The following CARD14 variants were observed in gnomAD, a reference collection of about 807,000 sequenced individuals.
CARD14 encodes caspase recruitment domain family member 14.
Under a neutral mutation model 111.5 loss-of-function variants are expected in CARD14, and 107 were observed. That is an observed-to-expected ratio of 0.96 (90% CI 0.82 to 1.13). The LOEUF is 1.13. Ranked by LOEUF, CARD14 falls within the 50% of genes most tolerant of loss-of-function variation. The pLI is 0.00. For missense variants in CARD14, 1,322 were observed against 1,362.3 expected (o/e 0.97, Z 0.47); for synonymous variants, 617 against 579.6 (o/e 1.06, Z -0.93).
intron 16 of CARD14, chr17:80,200,757 G>A (rs1222434487): frequency 6.3e-6 from 1 of 158,128 alleles, no homozygotes; most frequent in African/African-American, 2.4e-5. Context: ...CAGAATCAGT[G>A]GGAGCCCTGA....
intron 11 of CARD14, 51 bp downstream of exon 11, chr17:80,191,523 A>T: frequency 1.3e-6 from 2 of 1,590,694 alleles, no homozygotes; most frequent in Non-Finnish European, 1.7e-6. Flanking sequence ...GGCTGCGGTG[A>T]CAGTGGGACA....
Position 80,181,520 on chromosome 17 carries a change from C to T in CARD14, c.82C>T (p.His28Tyr). The T allele has an allele frequency of 6.3e-7, 1 of 1,590,022 alleles. No homozygotes were observed. The highest frequency in any genetic ancestry group is 8.6e-7 in the Non-Finnish European group (1 of 1,168,534). The part of the protein sequence containing the change: ...TLWEMMESHR[H>Y]RIVRCICPSR... ...GTGGGAGATGATGGAGAGCCACCGC[C>T]ACAGGATCGTACGCTGCATCTGCCC... Residue 28 changes from histidine to tyrosine, a missense_variant, in exon 5 of 24, where the codon CAC becomes TAC. His to Tyr is a moderately conservative substitution (Grantham distance 83, BLOSUM62 2). Coordinates refer to ENST00000648509, the MANE Select transcript of CARD14 (RefSeq NM_001366385.1).
rs1233557093 is a variant in CARD14 at position 80,181,600 on chromosome 17, G to A, written c.162G>A (p.Glu54=). Reference sequence around the variant, plus strand: ...CCAAGGTGCTGTGCCAGCTGGACGAGGAGGAGGTGCTGCACAGCCCCCGGC... The same window carrying A: ...CCAAGGTGCTGTGCCAGCTGGACGAAGAGGAGGTGCTGCACAGCCCCCGGC... ...RQAKVLCQLD[E]EEVLHSPRLT... is the part of the protein sequence containing the mutation. The change falls in exon 5 of 24, where the codon GAG becomes GAA. Residue 54 remains glutamate, a synonymous_variant. Transcript: ENST00000648509. 3 of 1,558,834 alleles carry A rather than the reference G, an allele frequency of 1.9e-6. No homozygotes were observed. Among genetic ancestry groups the A allele is most frequent in the Non-Finnish European group, 8.7e-7 (1 of 1,151,648 alleles).
intron 6 of CARD14, among the ~76,000 whole-genome samples, chr17:80,183,195 AG>A (rs1685627732): frequency 1.3e-5 from 2 of 152,200 alleles, no homozygotes; most frequent in Non-Finnish European, 1.5e-5. Context: ...CCCCGGCCAG[AG>A]GGTACAGGGC....
rs1455314909 is a variant in CARD14 at position 80,182,947 on chromosome 17, C to A, written c.349+157C>A. ...CCCCAGCACTCTGAGGGTGAGGAAC[C>A]CCCTCACTGTATTGGGGTTGGATAG... On this transcript the variant is annotated intron_variant, in intron 6 of 23. Coordinates refer to ENST00000648509, the MANE Select transcript of CARD14 (RefSeq NM_001366385.1). This position sits in a 1 kb window ranked among gnomAD's most constrained non-coding sequence, Gnocchi z 4.7. 6.6e-6 allele frequency among the ~76,000 whole-genome samples: 1 copy of A among 152,146 alleles called. No individual in the cohort carries two copies. Among genetic ancestry groups the A allele is most frequent in the African/African-American group, 2.4e-5 (1 of 41,426 alleles).
chr17:80,174,662 G>A (rs576529145), intron 2 of CARD14, among the ~76,000 whole-genome samples: 1 of 152,208 alleles, frequency 6.6e-6, no homozygotes, highest in East Asian at 1.9e-4. Flanking sequence ...CCGTAGTTTA[G>A]TCCTGGATGT....
chr17:80,204,091 C>G (rs972319317), intron 19 of CARD14, 136 bp from the exon 20 acceptor site: 4 of 912,318 alleles, frequency 4.4e-6, no homozygotes, highest in Non-Finnish European at 6.6e-6. Flanking sequence ...TGCAGACACA[C>G]CTCAGGCTGT....
Position 80,189,664 on chromosome 17 carries a change from G to GCA in CARD14, c.844-88_844-87dup. On this transcript the variant is annotated intron_variant, in intron 8 of 23. Transcript: ENST00000648509. This position sits in a 1 kb window ranked among gnomAD's most constrained non-coding sequence, Gnocchi z 4.7. The stretch of plus-strand genomic sequence containing the variant: ...TGCATCCGTCCACACACCTGACCGT[G>GCA]CAGTTGCCGCCATCTTCTCGGGATT... 7.2e-7 allele frequency: 1 copy of GCA among 1,393,680 alleles called. No homozygotes were observed. Among genetic ancestry groups the GCA allele is most frequent in the South Asian group, 1.6e-5 (1 of 61,930 alleles). 86.3% of individuals were successfully genotyped at this position (1,393,680 alleles called of 1,614,324 possible).
At chr17:80,184,423 G>A (rs967815146) in intron 7 of CARD14, among the ~76,000 whole-genome samples, 185 bp downstream of exon 7, 1 of 152,076 alleles carries the variant, frequency 6.6e-6, no homozygotes, top group Non-Finnish European at 1.5e-5. Flanking sequence ...GGCCACCCAG[G>A]CCCCTCTGTG....
chr17:80,178,160 C>T (rs2040069975), intron 2 of CARD14, among the ~76,000 whole-genome samples: 1 of 152,180 alleles, frequency 6.6e-6, no homozygotes, highest in Admixed American at 6.5e-5. Flanking sequence ...GCTGTTCTTC[C>T]TTCCGGGCAA....
chr17:80,170,765 C>CTCCCCTCCCTTCCCG (rs2039875864), intron 1 of CARD14, among the ~76,000 whole-genome samples: 1 of 85,324 alleles, frequency 1.2e-5, no homozygotes, highest in Admixed American at 1.2e-4. Flanking sequence ...TCTCTGGGCC[C>CTCCCCTCCCTTCCCG]TCCCCTCCCC....
intron 1 of CARD14, 42 bp from the exon 2 acceptor site, chr17:80,172,864 T>C (rs2039933474): frequency 6.8e-6 from 1 of 147,116 alleles, no homozygotes; most frequent in Non-Finnish European, 1.5e-5. Flanking sequence ...TTGCTTATTC[T>C]AAACATTCTT....
chr17:80,177,193 G>A (rs2040045854), intron 2 of CARD14, among the ~76,000 whole-genome samples: 1 of 152,080 alleles, frequency 6.6e-6, no homozygotes, highest in South Asian at 2.1e-4. Flanking sequence ...ATCATGGGGT[G>A]TCTAGGCCTA....
In CARD14 at chr17:80,205,825, G is replaced by T. The variant is rs554039146; in HGVS notation, c.2691+173G>T. On this transcript the variant is annotated intron_variant, in intron 22 of 23. Coordinates refer to ENST00000648509, the MANE Select transcript of CARD14 (RefSeq NM_001366385.1). ...GCCCAAAACTCATCTCAGCCAGTTA[G>T]GATCCACGTGACTGTGGGTGAGGTC... 2.1e-5 allele frequency: 12 copies of T among 573,528 alleles called. No individual in the cohort carries two copies. The South Asian group carries it at 3.2e-4, about 15-fold the overall frequency. 35.5% of individuals were successfully genotyped at this position (573,528 alleles called of 1,614,324 possible).
intron 22 of CARD14, 83 bp from the exon 23 acceptor site, chr17:80,206,887 G>C (rs2041348777): frequency 3.4e-6 from 3 of 883,958 alleles, no homozygotes; most frequent in South Asian, 1.7e-5. Flanking sequence ...TGTCCGGAGG[G>C]CCCTTCTGAC....
At chr17:80,197,714 A>G (rs891441191) in intron 14 of CARD14, among the ~76,000 whole-genome samples, 34 of 152,250 alleles carry the variant, frequency 2.2e-4, no homozygotes, top group African/African-American at 8.2e-4. Context: ...AAGTGAAGCC[A>G]GAAATCCAGA....
rs1170600497 is a variant in CARD14 at position 80,198,258 on chromosome 17, A to AATAGG, written c.1658+97_1658+98insTAGGA. On this transcript the variant is annotated intron_variant, in intron 15 of 23. Transcript: ENST00000648509. The surrounding 1 kb of genome is among the most constrained non-coding windows in gnomAD (Gnocchi z 7.5). ...GAGTGTCCTATTACCAATGGGAGGC[A>AATAGG]ACAGCCTTTCCAAGCACATGGGGCC... The AATAGG allele has an allele frequency of 6.4e-7, 1 of 1,568,248 alleles. No homozygotes were observed. Among genetic ancestry groups the AATAGG allele is most frequent in the Non-Finnish European group, 8.8e-7 (1 of 1,142,342 alleles).
chr17:80,191,514 G>A (rs765609276), intron 11 of CARD14, 42 bp downstream of exon 11: 4 of 1,597,020 alleles, frequency 2.5e-6, no homozygotes, highest in South Asian at 2.2e-5. Context: ...CCAGGCAGGG[G>A]CTGCGGTGAC....
At position 80,206,980 on chromosome 17, in the gene CARD14, C is replaced by T. The variant is rs2041354921; in HGVS notation, c.2702C>T (p.Ala901Val). 6.2e-7 allele frequency: 1 copy of T among 1,610,486 alleles called. No homozygotes were observed. The highest frequency in any genetic ancestry group is 1.3e-5 in the African/African-American group (1 of 74,652). Reference protein sequence around the residue: ...VESLMEKNTHALLDVQLDSVC... With the variant: ...VESLMEKNTHVLLDVQLDSVC... ...CTCCCTCCCACAAAGAACACCCATG[C>T]CCTCCTGGACGTCCAGCTGGACAGT... The change falls in exon 23 of 24, where the codon GCC (alanine) becomes GTC (valine). Residue 901 changes from alanine to valine, a missense_variant. Ala to Val is a moderately conservative substitution (Grantham distance 64, BLOSUM62 0). Coordinates refer to ENST00000648509, the MANE Select transcript of CARD14 (RefSeq NM_001366385.1).
Sources: gnomAD v4.1 joint callset for allele counts (sites outside exome capture counted in the v4.1 genomes callset) on GRCh38, gnomAD v4.1.1 for gene constraint, Gnocchi (gnomAD v3.1) non-coding constraint, MANE v1.5 for transcripts, NCBI Gene and HGNC (gene_info 2026-07-23, HGNC 2026-07-21) for gene names.